TAF10: variants seen among roughly 807,000 people sequenced by gnomAD.
TAF10 encodes the protein transcription initiation factor TFIID subunit 10.
In TAF10, 2 loss-of-function variants were observed where a neutral mutation model predicts 18.1. The observed-to-expected ratio is 0.11, with a 90% CI of 0.05 to 0.35. The LOEUF is 0.35. TAF10 is among the 10% of genes least tolerant of loss of function. TAF10 has a pLI of 1.00. For missense variants in TAF10, 293 were observed against 306.9 expected (o/e 0.95, Z 0.34); for synonymous variants, 158 against 134.6 (o/e 1.17, Z -1.20).
rs1213733033 is a variant in TAF10, at chr11:6,610,535, G to A, written c.*387C>T. On this transcript the variant is annotated 3_prime_UTR_variant, in exon 5 of 5. Transcript: ENST00000299424. ...CATGTGTGTAAGCTCATGAAGATCT[G>A]CATGAATGAAGACCCTGCAAAGCGA... 6.2e-7 allele frequency: 1 copy of A among 1,614,132 alleles called. No individual in the cohort carries two copies. The highest frequency in any genetic ancestry group is 8.5e-7 in the Non-Finnish European group (1 of 1,179,976).
rs780486336 is a variant in TAF10, at chr11:6,610,229, C to T, written c.*693G>A. On this transcript the variant is annotated 3_prime_UTR_variant, in exon 5 of 5. Coordinates refer to ENST00000299424, the MANE Select transcript of TAF10 (RefSeq NM_006284.4). ...GCAGTGCTTCTGTGGGAACTGGTGA[C>T]ACGGGAGGTACCCTTTGCTGACCTC... 2 of 1,614,246 alleles carry T rather than the reference C, an allele frequency of 1.2e-6. No individual in the cohort carries two copies. Among genetic ancestry groups the T allele is most frequent in the Non-Finnish European group, 1.7e-6 (2 of 1,180,044 alleles).
In TAF10 at chr11:6,611,337, G is replaced by C. The variant is rs778259761; in HGVS notation, c.453-34C>G. 10 of 1,613,846 alleles carry C rather than the reference G, an allele frequency of 6.2e-6. No homozygotes were observed. In the African/African-American group the frequency reaches 1.2e-4, roughly 19 times the overall value. On this transcript the variant is annotated intron_variant, in intron 3 of 4. Transcript: ENST00000299424. Reference sequence around the variant, plus strand: ...AAAAAACTTAGATGAGAAGGAGATGGACAACATACTGCACAAGCACCCAAA... The same window carrying C: ...AAAAAACTTAGATGAGAAGGAGATGCACAACATACTGCACAAGCACCCAAA...
rs1343305992 is a variant in TAF10, at chr11:6,608,336, C to G, written c.*2586G>C. 2.5e-6 allele frequency: 4 copies of G among 1,579,592 alleles called. No homozygotes were observed. In the African/African-American group the frequency reaches 4.0e-5, roughly 16 times the overall value. ...TTTTCCCATGCCCTGACACCAGTAT[C>G]TCATTTGGAACTGACTGTACTTTCT... On this transcript the variant is annotated 3_prime_UTR_variant, in exon 5 of 5. Coordinates refer to ENST00000299424, the MANE Select transcript of TAF10 (RefSeq NM_006284.4). The surrounding 1 kb of genome is among the most constrained non-coding windows in gnomAD (Gnocchi z 4.9).
chr11:6,608,469 G>A lies in TAF10; in HGVS notation c.*2453C>T. ...GCCCCTGCACTATGCCTGTTTTTGG[G>A]GCCAAGATCAAGTGGCAGAGGTGAG... is the stretch of plus-strand genomic sequence containing the variant. On this transcript the variant is annotated 3_prime_UTR_variant, in exon 5 of 5. Transcript: ENST00000299424. This position sits in a 1 kb window ranked among gnomAD's most constrained non-coding sequence, Gnocchi z 4.9. The A allele has an allele frequency of 6.2e-7, 1 of 1,613,980 alleles. No homozygotes were observed.
chr11:6,608,913 A>G lies in TAF10; in HGVS notation c.*2009T>C. The G allele has an allele frequency of 6.2e-7, 1 of 1,613,984 alleles. No individual in the cohort carries two copies. The highest frequency in any genetic ancestry group is 8.5e-7 in the Non-Finnish European group (1 of 1,179,866). ...GGCAGAGAAGATGGGCCAGAATCTC[A>G]ACCGTATTCCATACAAGGACACATT... On this transcript the variant is annotated 3_prime_UTR_variant, in exon 5 of 5. Coordinates refer to ENST00000299424, the MANE Select transcript of TAF10 (RefSeq NM_006284.4). The surrounding 1 kb of genome is among the most constrained non-coding windows in gnomAD (Gnocchi z 4.9).
rs528392640 is a variant in TAF10, at chr11:6,609,147, C to T, written c.*1775G>A. ...TCCTGACGAAGCTCAACGAGAATCA[C>T]TCTGGAGAGGTGACCCCTGCCCTTC... On this transcript the variant is annotated 3_prime_UTR_variant, in exon 5 of 5. Transcript: ENST00000299424. 1 of 1,613,852 alleles carries T rather than the reference C, an allele frequency of 6.2e-7. No individual in the cohort carries two copies. Among genetic ancestry groups the T allele is most frequent in the Admixed American group, 1.7e-5 (1 of 60,030 alleles).
chr11:6,611,964 C>A lies in TAF10; in HGVS notation c.226G>T (p.Gly76Trp). ...ARAGEPAERR[G>W]AAPVSAGGAA... is the part of the protein sequence containing the mutation. The stretch of plus-strand genomic sequence containing the variant: ...CACCCGTCCCGGCCCTCACCCGCCC[C>A]ACGCCGCTCAGCTGGCTCCCCGGCC... The change falls in exon 1 of 5, where the codon GGG becomes TGG. Residue 76 changes from glycine to tryptophan, a missense_variant. Gly to Trp is a radical substitution (Grantham distance 184). Coordinates refer to ENST00000299424, the MANE Select transcript of TAF10 (RefSeq NM_006284.4). 1 of 1,572,008 alleles carries A rather than the reference C, an allele frequency of 6.4e-7. No homozygotes were observed. The highest frequency in any genetic ancestry group is 2.3e-5 in the East Asian group (1 of 42,840).
chr11:6,608,677 T>C lies in TAF10; in HGVS notation c.*2245A>G. On this transcript the variant is annotated 3_prime_UTR_variant, in exon 5 of 5. Coordinates refer to ENST00000299424, the MANE Select transcript of TAF10 (RefSeq NM_006284.4). The surrounding 1 kb of genome is among the most constrained non-coding windows in gnomAD (Gnocchi z 4.9). ...GAGGTAGCAGTGGCTCTCATCATAATGGCCTTTTCATTCCAGGACCTGGTG... is the reference window on the plus strand; with the variant it reads ...GAGGTAGCAGTGGCTCTCATCATAACGGCCTTTTCATTCCAGGACCTGGTG... 6.2e-7 allele frequency: 1 copy of C among 1,603,800 alleles called. No individual in the cohort carries two copies. Among genetic ancestry groups the C allele is most frequent in the East Asian group, 2.2e-5 (1 of 44,830 alleles).
At chr11:6,611,105 G>C in intron 4 of TAF10, 84 bp downstream of exon 4, 2 of 1,586,626 alleles carry the variant, frequency 1.3e-6, no homozygotes, top group Non-Finnish European at 8.6e-7. Context: ...CCTCCCCTAC[G>C]ATTCAGTTTC....
chr11:6,611,169 C>G lies in TAF10; in HGVS notation c.567+20G>C. The G allele has an allele frequency of 1.2e-6, 2 of 1,610,734 alleles. No homozygotes were observed. Among genetic ancestry groups the G allele is most frequent in the African/African-American group, 2.7e-5 (2 of 75,002 alleles). On this transcript the variant is annotated intron_variant, in intron 4 of 4. Coordinates refer to ENST00000299424, the MANE Select transcript of TAF10 (RefSeq NM_006284.4). ...CTGTTGTGGAAGGTAATTACTGATT[C>G]ATTAAGCCTCCCCTCACACCTTGCT...
At position 6,611,165 on chromosome 11, in the gene TAF10, GATTC is replaced by G; in HGVS notation, c.567+20_567+23del. 1 of 1,608,756 alleles carries G rather than the reference GATTC, an allele frequency of 6.2e-7. No homozygotes were observed. The highest frequency in any genetic ancestry group is 8.5e-7 in the Non-Finnish European group (1 of 1,175,256). ...TCCACTGTTGTGGAAGGTAATTACT[GATTC>G]ATTAAGCCTCCCCTCACACCTTGCT... is the stretch of plus-strand genomic sequence containing the variant. On this transcript the variant is annotated intron_variant, in intron 4 of 4. Transcript: ENST00000299424.
At position 6,612,149 on chromosome 11, in the gene TAF10, G is replaced by A. The variant is rs1855483543; in HGVS notation, c.41C>T (p.Pro14Leu). The A allele has an allele frequency of 2.5e-6, 3 of 1,192,958 alleles. No homozygotes were observed. Among genetic ancestry groups the A allele is most frequent in the Non-Finnish European group, 3.1e-6 (3 of 964,436 alleles). The allele number at this position is 1,192,958 out of a possible 1,614,324, so 73.9% of individuals were successfully genotyped here. A position where few individuals can be genotyped will look rare whatever the true frequency, so the allele number is the denominator to read the frequency against. Residue 14 changes from proline (P) to leucine (L), a missense_variant, in exon 1 of 5, where the codon CCG (proline) becomes CTG (leucine). Physicochemically the swap from Pro to Leu is moderately conservative, Grantham distance 98. Coordinates refer to ENST00000299424, the MANE Select transcript of TAF10 (RefSeq NM_006284.4). ...GCCCGGGGCCGAGGCGGCGGAGGCC[G>A]GCGCCGCCTCGGGGTCCGCGCCGGA... is the stretch of plus-strand genomic sequence containing the variant. Reference protein sequence around the residue: ...SGSGADPEAAPASAASAPGPA... With the variant: ...SGSGADPEAALASAASAPGPA...
chr11:6,609,268 T>C lies in TAF10; in HGVS notation c.*1654A>G. The C allele has an allele frequency of 6.2e-7, 1 of 1,610,136 alleles. No homozygotes were observed. The highest frequency in any genetic ancestry group is 8.5e-7 in the Non-Finnish European group (1 of 1,176,402). On this transcript the variant is annotated 3_prime_UTR_variant, in exon 5 of 5. Coordinates refer to ENST00000299424, the MANE Select transcript of TAF10 (RefSeq NM_006284.4). ...TGGGCAAGGAAGTGGCAGCAACATT[T>C]CAAGCCTCCTAACCCCTACCTGTCC...
In TAF10 at chr11:6,609,925, C is replaced by T; in HGVS notation, c.*997G>A. Reference sequence around the variant, plus strand: ...TGACTTACCTCCTTCTATCTGTTTTCTCTTCCTCAGATTGATGAGGACATG... The same window carrying T: ...TGACTTACCTCCTTCTATCTGTTTTTTCTTCCTCAGATTGATGAGGACATG... On this transcript the variant is annotated 3_prime_UTR_variant, in exon 5 of 5. Coordinates refer to ENST00000299424, the MANE Select transcript of TAF10 (RefSeq NM_006284.4). The T allele has an allele frequency of 1.2e-6, 2 of 1,614,170 alleles. No homozygotes were observed. Among genetic ancestry groups the T allele is most frequent in the East Asian group, 2.2e-5 (1 of 44,890 alleles).
intron 2 of TAF10, 104 bp from the exon 3 acceptor site, chr11:6,611,556 AAC>A: frequency 3.8e-6 from 6 of 1,595,334 alleles, no homozygotes; most frequent in East Asian, 4.5e-5. Flanking sequence ...GCAGAGGGCA[AAC>A]ACAGAAGAGC....
At position 6,607,621 on chromosome 11, in the gene TAF10, A is replaced by T; in HGVS notation, c.*3301T>A. The T allele has an allele frequency of 3.8e-6, 1 of 260,602 alleles. No individual in the cohort carries two copies. Among genetic ancestry groups the T allele is most frequent in the South Asian group, 4.4e-5 (1 of 22,986 alleles). The allele number at this position is 260,602 out of a possible 1,614,324, so 16.1% of individuals were successfully genotyped here. Reference sequence around the variant, plus strand: ...ACAGCTGCTGTCAATCCATTCCCTCAAGAAACTTAAAGGTCTAACAGACAA... The same window carrying T: ...ACAGCTGCTGTCAATCCATTCCCTCTAGAAACTTAAAGGTCTAACAGACAA... On this transcript the variant is annotated 3_prime_UTR_variant, in exon 5 of 5. Coordinates refer to ENST00000299424, the MANE Select transcript of TAF10 (RefSeq NM_006284.4).
Position 6,609,892 on chromosome 11 carries a change from C to CCTAT in TAF10, c.*1026_*1029dup. The CCTAT allele has an allele frequency of 6.2e-7, 1 of 1,614,190 alleles. No individual in the cohort carries two copies. Among genetic ancestry groups the CCTAT allele is most frequent in the Non-Finnish European group, 8.5e-7 (1 of 1,180,030 alleles). On this transcript the variant is annotated 3_prime_UTR_variant, in exon 5 of 5. Coordinates refer to ENST00000299424, the MANE Select transcript of TAF10 (RefSeq NM_006284.4). Reference sequence around the variant, plus strand: ...TGGCCCAGGCCCCAAAAGCCCTTTGCCTATCTATGACTTACCTCCTTCTAT... The same window carrying CCTAT: ...TGGCCCAGGCCCCAAAAGCCCTTTGCCTATCTATCTATGACTTACCTCCTTCTAT...
Position 6,609,484 on chromosome 11 carries a change from G to T in TAF10, c.*1438C>A, listed in dbSNP as rs766405109. On this transcript the variant is annotated 3_prime_UTR_variant, in exon 5 of 5. Transcript: ENST00000299424. ...GCACTGAAAGAGATCTTTTGTACTG[G>T]GTCTCAACCACTCCCTCCCTCTTCT... The T allele has an allele frequency of 2.8e-4, 445 of 1,614,014 alleles. No homozygotes were observed. In the Admixed American group the frequency reaches 3.4e-3, roughly 12 times the overall value.
chr11:6,607,463 A>G lies in TAF10; in HGVS notation c.*3459T>C, dbSNP rs1855040581. On this transcript the variant is annotated 3_prime_UTR_variant, in exon 5 of 5. Transcript: ENST00000299424. ...CCTTTTCAACATAAACCCTTCCAAA[A>G]CATCATTTAAATTCCATTCCATTTT... 1 of 160,592 alleles carries G rather than the reference A, an allele frequency of 6.2e-6. No homozygotes were observed. The highest frequency in any genetic ancestry group is 1.4e-5 in the Non-Finnish European group (1 of 72,696). 9.9% of individuals were successfully genotyped at this position (160,592 alleles called of 1,614,324 possible).
Sources: allele counts gnomAD v4.1 joint callset, GRCh38; gene constraint gnomAD v4.1.1; non-coding constraint Gnocchi (gnomAD v3.1); transcripts MANE v1.5; gene names NCBI Gene and HGNC (gene_info 2026-07-23, HGNC 2026-07-21).